Variants in PSPH observed in about 807,000 individuals in gnomAD.
PSPH encodes L-3-phosphoserine phosphatase.
A neutral mutation model predicts 23.4 loss-of-function variants in PSPH; 16 were observed. The observed-to-expected ratio is 0.68, with a 90% confidence interval of 0.46 to 1.04. The LOEUF (loss-of-function observed/expected upper bound fraction) is 1.04, where lower values mean the gene tolerates loss of function less well. Among genes scored for constraint, PSPH ranks in the 50% least tolerant of loss-of-function variants. The pLI is 0.00. For synonymous variants in PSPH, 68 were observed against 99.7 expected, an observed-to-expected ratio of 0.68 and a Z score of 1.89; for missense variants, 223 against 273.7, an observed-to-expected ratio of 0.81 and a Z score of 1.31.
intron 3 of PSPH, among the ~76,000 whole-genome samples, chr7:56,027,035 G>C (rs1443249250): frequency 6.6e-6 from 1 of 151,794 alleles, no homozygotes; most frequent in Non-Finnish European, 1.5e-5. Context: ...GTGAAACCCC[G>C]TCTCTACTAA....
intron 1 of PSPH, among the ~76,000 whole-genome samples, chr7:56,048,710 C>G (rs754631261): frequency 4.0e-5 from 6 of 151,770 alleles, no homozygotes; most frequent in Non-Finnish European, 5.9e-5. Context: ...TTCTGGCTCA[C>G]TGCAACCTCC....
intron 1 of PSPH, among the ~76,000 whole-genome samples, chr7:56,039,478 A>G (rs1264421173): frequency 6.6e-6 from 1 of 152,088 alleles, no homozygotes; most frequent in Non-Finnish European, 1.5e-5. Flanking sequence ...TCAATACGTT[A>G]AATACCAATA....
chr7:56,019,610 G>A lies in PSPH; in HGVS notation c.265C>T (p.Pro89Ser). 6.2e-7 allele frequency: 1 copy of A among 1,613,678 alleles called. No homozygotes were observed. The highest frequency in any genetic ancestry group is 8.5e-7 in the Non-Finnish European group (1 of 1,179,800). ...LIAEQPPHLT[P>S]GIRELVSRLQ... is the part of the protein sequence containing the mutation. ...CGGGGTTCCTCTTACCTTATGCCGG[G>A]GGTCAGGTGTGGGGGTTGCTCTGCT... is the stretch of plus-strand genomic sequence containing the variant. Residue 89 changes from proline (P) to serine (S), a missense_variant, in exon 5 of 8, where the codon CCC becomes TCC. Transcript: ENST00000275605.
At chr7:56,047,096 T>C (rs1562835409) in intron 1 of PSPH, among the ~76,000 whole-genome samples, 1 of 151,986 alleles carries the variant, frequency 6.6e-6, no homozygotes, top group African/African-American at 2.4e-5. Flanking sequence ...GCAAAAATTA[T>C]TGATGGGCTG....
chr7:56,021,260 A>C (rs1263929816), intron 3 of PSPH, 29 bp from the exon 4 acceptor site: 1 of 1,584,102 alleles, frequency 6.3e-7, no homozygotes. Context: ...ATGTATTTAA[A>C]GACATCAAAT....
chr7:56,049,563 C>G (rs187755816), intron 1 of PSPH, among the ~76,000 whole-genome samples: 1 of 151,876 alleles, frequency 6.6e-6, no homozygotes, highest in South Asian at 2.1e-4. Flanking sequence ...CTCAGCCTCC[C>G]GAGGAACTGG....
intron 7 of PSPH, among the ~76,000 whole-genome samples, chr7:56,014,572 C>T (rs1219090872): frequency 6.6e-6 from 1 of 152,016 alleles, no homozygotes; most frequent in Non-Finnish European, 1.5e-5. Context: ...CCAGGCTGGT[C>T]TCAAACTCCT....
intron 1 of PSPH, among the ~76,000 whole-genome samples, chr7:56,043,555 G>A (rs1385262098): frequency 6.6e-6 from 1 of 151,160 alleles, no homozygotes; most frequent in Non-Finnish European, 1.5e-5. Context: ...GGTGGCTCAT[G>A]CCTGTAATCC....
At chr7:56,051,102 T>C (rs1793994129) in intron 1 of PSPH, 36 bp downstream of exon 1, 1 of 152,198 alleles carries the variant, frequency 6.6e-6, no homozygotes, top group Non-Finnish European at 1.5e-5. Context: ...GGACACTGGA[T>C]ACTGGAAACA....
chr7:56,013,608 G>A (rs1788219250), intron 7 of PSPH, among the ~76,000 whole-genome samples: 1 of 151,960 alleles, frequency 6.6e-6, no homozygotes, highest in Non-Finnish European at 1.5e-5. Flanking sequence ...GCACACACCT[G>A]TAATCCCAGC....
chr7:56,042,989 G>A (rs749049199), intron 1 of PSPH, among the ~76,000 whole-genome samples: 2 of 152,022 alleles, frequency 1.3e-5, no homozygotes, highest in African/African-American at 2.4e-5. Flanking sequence ...GATAGTTGGC[G>A]GGGTGCAGTG....
At chr7:56,028,120 G>A (rs889825260) in intron 3 of PSPH, among the ~76,000 whole-genome samples, 1 of 151,768 alleles carries the variant, frequency 6.6e-6, no homozygotes, top group Non-Finnish European at 1.5e-5. Flanking sequence ...CTAAAAGTGA[G>A]AACTGATTTA....
Position 56,035,389 on chromosome 7 carries a change from T to G in PSPH, c.-291-1283A>C, listed in dbSNP as rs184084028. ...TGTCACTTGCCCAGCTCCTTGTATG[T>G]TAACTACAACAAATAAGGGGTGTTT... On this transcript the variant is annotated intron_variant, in intron 1 of 7. Transcript: ENST00000275605. Among the ~76,000 whole-genome samples the G allele has an allele frequency of 3.3e-3, 501 of 152,174 alleles. 5 individuals are homozygous for G. Among genetic ancestry groups the G allele is most frequent in the African/African-American group, 0.011 (463 of 41,508 alleles).
At chr7:56,050,881 A>G (rs1277431094) in intron 1 of PSPH, among the ~76,000 whole-genome samples, 1 of 152,148 alleles carries the variant, frequency 6.6e-6, no homozygotes, top group Non-Finnish European at 1.5e-5. Context: ...TCCGTTATTT[A>G]TTAAAAATAA....
intron 3 of PSPH, among the ~76,000 whole-genome samples, chr7:56,031,103 C>T (rs6955615): frequency 0.18 from 27,120 of 150,260 alleles, 2,555 homozygotes; most frequent in African/African-American, 0.22. Context: ...CCCAGCTACT[C>T]GGGAGGCTGA....
intron 3 of PSPH, among the ~76,000 whole-genome samples, chr7:56,027,161 C>T (rs999259612): frequency 2.7e-5 from 4 of 149,806 alleles, no homozygotes; most frequent in Non-Finnish European, 4.4e-5. Context: ...GCCGAGATTG[C>T]GCTATTGCAC....
chr7:56,043,934 G>C (rs1234755143), intron 1 of PSPH, among the ~76,000 whole-genome samples: 1 of 152,096 alleles, frequency 6.6e-6, no homozygotes, highest in South Asian at 2.1e-4. Flanking sequence ...GAACATACAG[G>C]AATTCTGGGG....
At chr7:56,040,406 T>C (rs1792370984) in intron 1 of PSPH, among the ~76,000 whole-genome samples, 1 of 152,120 alleles carries the variant, frequency 6.6e-6, no homozygotes, top group Admixed American at 6.6e-5. Context: ...TTTTTATTTT[T>C]TTGGGACAGG....
At chr7:56,024,961 G>A (rs985520581) in intron 3 of PSPH, among the ~76,000 whole-genome samples, 11 of 151,390 alleles carry the variant, frequency 7.3e-5, no homozygotes, top group African/African-American at 2.7e-4. Flanking sequence ...ATGCCACCAC[G>A]CCCAGCTAAT....
Sources: allele counts gnomAD v4.1 joint callset (sites outside exome capture counted in the v4.1 genomes callset), GRCh38; gene constraint gnomAD v4.1.1; transcripts MANE v1.5; gene names NCBI Gene and HGNC (gene_info 2026-07-23, HGNC 2026-07-21).